The following LRBA variants were observed in gnomAD, a reference collection of about 807,000 sequenced individuals.
LRBA encodes lipopolysaccharide-responsive and beige-like anchor protein.
Under a neutral mutation model 330.0 loss-of-function variants are expected in LRBA, and 176 were observed. That is an observed-to-expected ratio of 0.53 (90% CI 0.47 to 0.60). The LOEUF is 0.60. Among genes scored for constraint, LRBA ranks in the 20% least tolerant of loss-of-function variants. The probability of loss-of-function intolerance (pLI) is 0.00; values close to 1 mark genes in which losing one functional copy is unlikely to be tolerated. For missense variants in LRBA, 3,259 were observed against 3,444.8 expected (o/e 0.95, Z 1.35); for synonymous variants, 1,230 against 1,193.0 (o/e 1.03, Z -0.64).
chr4:150,386,575 T>A (rs535369116), intron 47 of LRBA, among the ~76,000 whole-genome samples: 1 of 152,032 alleles, frequency 6.6e-6, no homozygotes, highest in Non-Finnish European at 1.5e-5. Context: ...GCTCCACCCA[T>A]GTCCCTGCAA....
intron 48 of LRBA, among the ~76,000 whole-genome samples, chr4:150,332,570 A>G (rs917243052): frequency 2.0e-5 from 3 of 152,152 alleles, no homozygotes; most frequent in South Asian, 4.1e-4. Context: ...ATGCAAATCA[A>G]CTTAATTTAG....
chr4:150,280,845 G>A (rs180983989), intron 55 of LRBA, among the ~76,000 whole-genome samples: 1 of 152,302 alleles, frequency 6.6e-6, no homozygotes, highest in East Asian at 1.9e-4. Flanking sequence ...CTGGAGCTGT[G>A]GGCAGGTATT....
intron 40 of LRBA, among the ~76,000 whole-genome samples, chr4:150,525,843 T>C (rs921000667): frequency 1.3e-5 from 2 of 152,160 alleles, no homozygotes; most frequent in African/African-American, 4.8e-5. Flanking sequence ...ATACATCTCT[T>C]TCCATATACA....
At chr4:150,612,920 T>A (rs561627374) in intron 37 of LRBA, among the ~76,000 whole-genome samples, 1 of 152,330 alleles carries the variant, frequency 6.6e-6, no homozygotes, top group African/African-American at 2.4e-5. Context: ...AAGAGATTTT[T>A]GAGAAATACC....
At chr4:150,812,135 T>C (rs1743829812) in intron 31 of LRBA, among the ~76,000 whole-genome samples, 1 of 152,140 alleles carries the variant, frequency 6.6e-6, no homozygotes. Flanking sequence ...AAATGTAATA[T>C]CCAAACACAT....
chr4:150,437,027 T>G (rs148577742), intron 44 of LRBA, among the ~76,000 whole-genome samples, 163 bp from the exon 45 acceptor site: 20 of 152,240 alleles, frequency 1.3e-4, no homozygotes, highest in African/African-American at 4.8e-4. Context: ...AAAGCAATAT[T>G]TTTTCCAACA....
chr4:150,529,621 C>T (rs1045221457), intron 40 of LRBA, among the ~76,000 whole-genome samples: 1 of 151,564 alleles, frequency 6.6e-6, no homozygotes, highest in African/African-American at 2.4e-5. Flanking sequence ...GAGGCTGAGG[C>T]AGGAGAATTG....
At chr4:150,964,395 G>A (rs576987229) in intron 2 of LRBA, among the ~76,000 whole-genome samples, 1 of 149,794 alleles carries the variant, frequency 6.7e-6, no homozygotes, top group African/African-American at 2.6e-5. Context: ...GGGGAAATGT[G>A]GGGAAAAGAA....
At chr4:150,389,509 C>T (rs966487398) in intron 47 of LRBA, among the ~76,000 whole-genome samples, 2 of 151,688 alleles carry the variant, frequency 1.3e-5, no homozygotes, top group African/African-American at 4.8e-5. Flanking sequence ...GAGTTCGAGG[C>T]CAGCCTGGCC....
chr4:150,293,524 T>G (rs753469054), intron 53 of LRBA, among the ~76,000 whole-genome samples: 1 of 152,230 alleles, frequency 6.6e-6, no homozygotes, highest in Non-Finnish European at 1.5e-5. Flanking sequence ...TAGCTGCATT[T>G]AGAGTACAAC....
chr4:150,556,884 T>C (rs1320275562), intron 40 of LRBA, among the ~76,000 whole-genome samples: 5 of 152,144 alleles, frequency 3.3e-5, no homozygotes, highest in Non-Finnish European at 5.9e-5. Flanking sequence ...ACAAGGAAAA[T>C]GCAACCTTTT....
At chr4:150,314,415 G>A (rs1045692478) in intron 51 of LRBA, among the ~76,000 whole-genome samples, 1 of 152,020 alleles carries the variant, frequency 6.6e-6, no homozygotes, top group Admixed American at 6.6e-5. Flanking sequence ...AAATGAATTG[G>A]TTTAGAGCTT....
At chr4:150,487,366 T>C (rs1758005194) in intron 42 of LRBA, among the ~76,000 whole-genome samples, 1 of 151,260 alleles carries the variant, frequency 6.6e-6, no homozygotes, top group African/African-American at 2.4e-5. Flanking sequence ...ATAAAAGAGA[T>C]AAAAAGTAAA....
At chr4:150,599,179 G>C (rs201168623) in intron 37 of LRBA, 48 bp from the exon 38 acceptor site, 1 of 1,599,176 alleles carries the variant, frequency 6.3e-7, no homozygotes. Flanking sequence ...ATCAAACAGC[G>C]TGGTAGCACT....
intron 46 of LRBA, chr4:150,422,957 C>T: frequency 2.6e-6 from 2 of 783,564 alleles, no homozygotes; most frequent in Non-Finnish European, 4.7e-6. Context: ...ATGACGTTCC[C>T]TAGCCCTGAG....
At chr4:150,337,366 ATTT>A (rs1324909009) in intron 48 of LRBA, among the ~76,000 whole-genome samples, 3 of 152,204 alleles carry the variant, frequency 2.0e-5, no homozygotes, top group African/African-American at 7.2e-5. Flanking sequence ...TGAGTGTATA[ATTT>A]AGTTACACCT....
At chr4:150,928,711 G>T in intron 3 of LRBA, 95 bp from the exon 4 acceptor site, 1 of 1,246,690 alleles carries the variant, frequency 8.0e-7, no homozygotes, top group Non-Finnish European at 1.1e-6. Flanking sequence ...GGACACTAAA[G>T]TTCTAGGTGC....
intron 47 of LRBA, among the ~76,000 whole-genome samples, chr4:150,350,458 T>A (rs1483493178): frequency 6.6e-6 from 1 of 151,326 alleles, no homozygotes; most frequent in Non-Finnish European, 1.5e-5. Flanking sequence ...TAATCCCAGC[T>A]ATTCAGGAGG....
chr4:150,614,770 A>T (rs1264485602), intron 37 of LRBA, among the ~76,000 whole-genome samples: 3 of 152,352 alleles, frequency 2.0e-5, no homozygotes, highest in South Asian at 2.1e-4. Flanking sequence ...ACATACATGT[A>T]ATCTACTCAC....
Sources: gnomAD v4.1 joint callset for allele counts (sites outside exome capture counted in the v4.1 genomes callset) on GRCh38, gnomAD v4.1.1 for gene constraint, MANE v1.5 for transcripts, NCBI Gene and HGNC (gene_info 2026-07-23, HGNC 2026-07-21) for gene names.